TPD52: variants seen among roughly 807,000 people sequenced by gnomAD.
TPD52 encodes the protein tumor protein D52.
A neutral mutation model predicts 31.3 loss-of-function variants in TPD52; 17 were observed. The ratio of observed to expected loss-of-function variants is 0.54; its 90% CI spans 0.37 to 0.82. The LOEUF (loss-of-function observed/expected upper bound fraction) is 0.82, where lower values mean the gene tolerates loss of function less well. Among genes scored for constraint, TPD52 ranks in the 40% least tolerant of loss-of-function variants. The pLI, the probability that TPD52 is intolerant of heterozygous loss-of-function variation, is 0.00. For synonymous variants in TPD52, 83 were observed against 89.6 expected, an observed-to-expected ratio of 0.93 and a Z score of 0.42; for missense variants, 212 against 240.1, an observed-to-expected ratio of 0.88 and a Z score of 0.77.
At chr8:80,151,075 G>A (rs557922711) in intron 1 of TPD52, among the ~76,000 whole-genome samples, 2 of 152,280 alleles carry the variant, frequency 1.3e-5, no homozygotes, top group East Asian at 1.9e-4. Flanking sequence ...ACTGAATCAC[G>A]GGGGCAGGTC....
chr8:80,109,885 C>T (rs1807387093), intron 1 of TPD52, among the ~76,000 whole-genome samples: 1 of 152,160 alleles, frequency 6.6e-6, no homozygotes, highest in African/African-American at 2.4e-5. Flanking sequence ...TTTTCTCCCA[C>T]TTTTCTGACT....
chr8:80,155,230 A>G (rs1179773483), intron 1 of TPD52, among the ~76,000 whole-genome samples: 1 of 152,108 alleles, frequency 6.6e-6, no homozygotes, highest in Non-Finnish European at 1.5e-5. Flanking sequence ...AATTTAATCA[A>G]TAAATGTTGT....
chr8:80,045,374 G>A (rs1810740554), intron 5 of TPD52, among the ~76,000 whole-genome samples: 1 of 152,168 alleles, frequency 6.6e-6, no homozygotes, highest in Non-Finnish European at 1.5e-5. Flanking sequence ...TAACTGATAT[G>A]ATAGGTGGAT....
intron 7 of TPD52, among the ~76,000 whole-genome samples, chr8:80,040,305 A>C (rs531825501): frequency 8.4e-5 from 12 of 143,152 alleles, no homozygotes; most frequent in African/African-American, 3.2e-4. Context: ...TTCCTACCTC[A>C]GCCTCCCGAG....
At chr8:80,097,049 C>A (rs1383524306) in intron 1 of TPD52, among the ~76,000 whole-genome samples, 1 of 152,180 alleles carries the variant, frequency 6.6e-6, no homozygotes, top group Non-Finnish European at 1.5e-5. Context: ...AAGTGCTACT[C>A]CAGTGAACAC....
intron 1 of TPD52, among the ~76,000 whole-genome samples, chr8:80,126,951 A>T (rs1020082725): frequency 2.6e-4 from 39 of 152,052 alleles, no homozygotes; most frequent in Admixed American, 1.9e-3. Flanking sequence ...CTACAAAAAA[A>T]TTTTTTAAAC....
downstream of TPD52, chr8:80,033,332 T>G: frequency 3.3e-5 from 2 of 59,980 alleles, no homozygotes; most frequent in Admixed American, 4.1e-4. Context: ...GGGGGGACAT[T>G]GTTGGGGGGT....
intron 1 of TPD52, among the ~76,000 whole-genome samples, chr8:80,154,966 G>T (rs1037767419): frequency 4.7e-5 from 7 of 149,800 alleles, no homozygotes; most frequent in Non-Finnish European, 8.9e-5. Flanking sequence ...TGTTTGTTTG[G>T]TTGGTTGGTT....
intron 1 of TPD52, among the ~76,000 whole-genome samples, chr8:80,112,582 A>G (rs1318579040): frequency 1.3e-5 from 2 of 152,212 alleles, no homozygotes; most frequent in South Asian, 2.1e-4. Context: ...TCGCAAGTCT[A>G]AAAAAACAAT....
chr8:80,113,631 A>G, intron 1 of TPD52, among the ~76,000 whole-genome samples: 1 of 152,190 alleles, frequency 6.6e-6, no homozygotes, highest in East Asian at 1.9e-4. Context: ...ATTCACAGCA[A>G]TATGGATGAG....
At chr8:80,047,716 AAG>A (rs1811005973) in intron 5 of TPD52, among the ~76,000 whole-genome samples, 2 of 152,234 alleles carry the variant, frequency 1.3e-5, no homozygotes. Context: ...GACACGAGGA[AAG>A]AGATCATTTC....
At chr8:80,049,795 T>TA (rs1412949655) in intron 5 of TPD52, among the ~76,000 whole-genome samples, 3 of 152,336 alleles carry the variant, frequency 2.0e-5, no homozygotes, top group Admixed American at 2.0e-4. Flanking sequence ...GTGCTTTTTT[T>TA]AGCTTAATAT....
At chr8:80,157,902 A>C (rs1811081373) in intron 1 of TPD52, among the ~76,000 whole-genome samples, 1 of 152,234 alleles carries the variant, frequency 6.6e-6, no homozygotes, top group Admixed American at 6.5e-5. Context: ...TACATTTTGC[A>C]TTAAAAGCAT....
chr8:80,036,516 A>G lies in TPD52; in HGVS notation c.*1600T>C, dbSNP rs1809921888. The stretch of plus-strand genomic sequence containing the variant: ...AAAAAAAAATTTTTTTTTTTTAAGC[A>G]TAGACTCCAGTTGATTCGGTACAAC... On this transcript the variant is annotated 3_prime_UTR_variant, in exon 8 of 8. Coordinates refer to ENST00000518937, the MANE Select transcript of TPD52 (RefSeq NM_001025253.3). The G allele has an allele frequency of 6.6e-6, 1 of 152,516 alleles. No homozygotes were observed. The highest frequency in any genetic ancestry group is 2.4e-5 in the African/African-American group (1 of 41,408). The allele number at this position is 152,516 out of a possible 1,614,324, so 9.4% of individuals were successfully genotyped here. A position where few individuals can be genotyped will look rare whatever the true frequency, so the allele number is the denominator to read the frequency against.
intron 1 of TPD52, among the ~76,000 whole-genome samples, chr8:80,151,038 G>A (rs1810534568): frequency 6.6e-6 from 1 of 152,186 alleles, no homozygotes; most frequent in African/African-American, 2.4e-5. Context: ...ATTCCCATGT[G>A]TCGTGGGAGG....
intron 1 of TPD52, among the ~76,000 whole-genome samples, chr8:80,119,221 T>C (rs762594017): frequency 6.6e-5 from 10 of 152,302 alleles, no homozygotes; most frequent in Non-Finnish European, 1.2e-4. Context: ...GGCAAATTTA[T>C]AGACAGAAAG....
At chr8:80,034,694 G>GT (rs1378678866), downstream of TPD52, 9 of 152,252 alleles carry the variant, frequency 5.9e-5, no homozygotes, top group South Asian at 6.2e-4. Flanking sequence ...TAGAAACCAA[G>GT]GAGAAACTTT....
At chr8:80,136,691 G>A (rs775590817) in intron 1 of TPD52, among the ~76,000 whole-genome samples, 19 of 151,984 alleles carry the variant, frequency 1.3e-4, no homozygotes, top group Non-Finnish European at 2.1e-4. Context: ...GAATATATCC[G>A]AAGACATACT....
intron 7 of TPD52, among the ~76,000 whole-genome samples, chr8:80,039,835 A>G (rs1479633678): frequency 3.3e-5 from 5 of 151,986 alleles, no homozygotes; most frequent in East Asian, 1.9e-4. Flanking sequence ...GTCTTCTCTG[A>G]CCTTCCCTTC....
Sources: allele counts gnomAD v4.1 joint callset (sites outside exome capture counted in the v4.1 genomes callset), GRCh38; gene constraint gnomAD v4.1.1; transcripts MANE v1.5; gene names NCBI Gene and HGNC (gene_info 2026-07-23, HGNC 2026-07-21).